Variants in DHX8 observed in about 807,000 individuals in gnomAD.
DHX8 encodes the protein DEAH-box helicase 8.
A neutral mutation model predicts 140.7 loss-of-function variants in DHX8; 67 were observed. The observed-to-expected ratio is 0.48, with a 90% CI of 0.39 to 0.58. The LOEUF is 0.58. Among genes scored for constraint, DHX8 ranks in the 20% least tolerant of loss-of-function variants. DHX8 has a pLI of 0.00. For missense variants in DHX8, 887 were observed against 1,550.7 expected (o/e 0.57, Z 7.19); for synonymous variants, 533 against 553.2 (o/e 0.96, Z 0.51).
At chr17:43,517,544 C>T (rs1970173489) in intron 18 of DHX8, 1 of 533,586 alleles carries the variant, frequency 1.9e-6, no homozygotes, top group African/African-American at 1.9e-5. Flanking sequence ...ACCATAACAA[C>T]CAGCAGGATA....
chr17:43,532,661 C>T (rs1971005425), intron 2 of DHX8: 1 of 1,606,426 alleles, frequency 6.2e-7, no homozygotes, highest in East Asian at 2.2e-5. Context: ...CCTGCCCCAC[C>T]CCAGTCTCTT....
downstream of DHX8, chr17:43,529,101 C>G: frequency 6.2e-7 from 1 of 1,603,142 alleles, no homozygotes. Context: ...GCCACTGCCC[C>G]CCACCACCTT....
At chr17:43,514,615 C>T (rs936691415) in intron 17 of DHX8, among the ~76,000 whole-genome samples, 2 of 152,124 alleles carry the variant, frequency 1.3e-5, no homozygotes, top group Admixed American at 1.3e-4. Flanking sequence ...ATATCCAAAA[C>T]TTAAATGTTC....
intron 17 of DHX8, among the ~76,000 whole-genome samples, chr17:43,515,410 A>G (rs1970054034): frequency 6.6e-6 from 1 of 152,182 alleles, no homozygotes; most frequent in Non-Finnish European, 1.5e-5. Context: ...GATGGTCTCC[A>G]TCTCCTGACC....
chr17:43,498,813 G>A (rs1382792888), intron 9 of DHX8, 49 bp from the exon 10 acceptor site: 2 of 1,455,252 alleles, frequency 1.4e-6, no homozygotes, highest in Non-Finnish European at 1.9e-6. Context: ...GGTGAAAATT[G>A]TTATTTTTTC....
At chr17:43,533,759 TA>T in intron 2 of DHX8, 1 of 1,459,952 alleles carries the variant, frequency 6.8e-7, no homozygotes, top group Non-Finnish European at 9.3e-7. Context: ...TTCTGTTGTC[TA>T]ACTTGCATCT....
intron 15 of DHX8, 88 bp downstream of exon 15, chr17:43,508,107 T>A: frequency 3.7e-6 from 5 of 1,344,520 alleles, no homozygotes; most frequent in Non-Finnish European, 5.1e-6. Flanking sequence ...TTTTTGCTAA[T>A]CTTTTTAAAA....
chr17:43,494,430 A>G (rs1256528694), intron 8 of DHX8, among the ~76,000 whole-genome samples: 1 of 152,086 alleles, frequency 6.6e-6, no homozygotes. Flanking sequence ...GATTAATTAA[A>G]GGTGAAAGTC....
At chr17:43,539,704 CCAT>C (rs1598212888) in intron 3 of DHX8, among the ~76,000 whole-genome samples, 1 of 152,168 alleles carries the variant, frequency 6.6e-6, no homozygotes, top group East Asian at 1.9e-4. Context: ...GAGATCCTGA[CCAT>C]CCTAGCCCTT....
In DHX8 at chr17:43,493,830, C is replaced by A. The variant is rs370058622; in HGVS notation, c.1156C>A (p.Leu386Met). The A allele has an allele frequency of 6.2e-6, 10 of 1,614,216 alleles. No homozygotes were observed. Among genetic ancestry groups the A allele is most frequent in the Non-Finnish European group, 8.5e-6 (10 of 1,180,036 alleles). ...TGCTCCTGAAGTAGAGGACGACTCA[C>A]TGGAACGCAAGCGCCTCACCCGAAT... is the stretch of plus-strand genomic sequence containing the variant. The part of the protein sequence containing the change: ...VSAPEVEDDS[L>M]ERKRLTRISD... Residue 386 changes from leucine to methionine, a missense_variant, in exon 8 of 23, where the codon CTG becomes ATG. By Grantham distance (15) the Leu-to-Met change is conservative. Coordinates refer to ENST00000262415, the MANE Select transcript of DHX8 (RefSeq NM_004941.3).
intron 1 of DHX8, among the ~76,000 whole-genome samples, chr17:43,484,668 G>T (rs1184966124): frequency 2.0e-5 from 3 of 152,072 alleles, no homozygotes; most frequent in Non-Finnish European, 2.9e-5. Context: ...TTGAGGCAGG[G>T]CCTCGCTCTG....
intron 9 of DHX8, among the ~76,000 whole-genome samples, chr17:43,496,976 T>C (rs555581009): frequency 1.2e-4 from 19 of 152,292 alleles, no homozygotes; most frequent in African/African-American, 4.3e-4. Context: ...CTCTAACTTA[T>C]ATTGTAGTAG....
chr17:43,488,137 T>G (rs9894019), intron 1 of DHX8, among the ~76,000 whole-genome samples: 35,301 of 151,418 alleles, frequency 0.23, 4,256 homozygotes, highest in East Asian at 0.33. Flanking sequence ...AATTAGCCGG[T>G]CATGGTGGCA....
At chr17:43,530,530 G>C (rs906917480), downstream of DHX8, 20 of 924,756 alleles carry the variant, frequency 2.2e-5, no homozygotes, top group Non-Finnish European at 2.9e-5. Flanking sequence ...AAAGAGTTCG[G>C]TGTCCACGCC....
intron 1 of DHX8, among the ~76,000 whole-genome samples, chr17:43,486,064 C>T (rs994754201): frequency 7.2e-6 from 1 of 138,070 alleles, no homozygotes; most frequent in African/African-American, 2.7e-5. Flanking sequence ...ATTAGCTGGC[C>T]ATGGTGACTG....
intron 12 of DHX8, among the ~76,000 whole-genome samples, 198 bp downstream of exon 12, chr17:43,505,023 T>C (rs1020108804): frequency 6.6e-6 from 1 of 152,108 alleles, no homozygotes; most frequent in Non-Finnish European, 1.5e-5. Flanking sequence ...ATGCCTATAA[T>C]CCCAGCACAT....
intron 2 of DHX8, 40 bp downstream of exon 2, chr17:43,489,574 T>C: frequency 7.3e-7 from 1 of 1,365,282 alleles, no homozygotes; most frequent in Non-Finnish European, 1.0e-6. Context: ...GATATTAATG[T>C]TTTAATTTAT....
chr17:43,535,983 T>C (rs542317913), intron 2 of DHX8, among the ~76,000 whole-genome samples: 2 of 152,260 alleles, frequency 1.3e-5, no homozygotes, highest in Admixed American at 1.3e-4. Flanking sequence ...TGGTTGTGCA[T>C]GCCTGTAATC....
intron 11 of DHX8, among the ~76,000 whole-genome samples, chr17:43,503,113 A>T (rs1306549949): frequency 6.6e-6 from 1 of 152,208 alleles, no homozygotes; most frequent in Non-Finnish European, 1.5e-5. Context: ...CTGTAATCCC[A>T]GCACTTTGGG....
Sources: gnomAD v4.1 joint callset for allele counts (sites outside exome capture counted in the v4.1 genomes callset) on GRCh38, gnomAD v4.1.1 for gene constraint, MANE v1.5 for transcripts, NCBI Gene and HGNC (gene_info 2026-07-23, HGNC 2026-07-21) for gene names.